The following VAC14 variants were observed in gnomAD, a reference collection of about 807,000 sequenced individuals.
VAC14 encodes the protein protein VAC14 homolog.
In VAC14, 47 loss-of-function variants were observed where a neutral mutation model predicts 85.3. That is an observed-to-expected ratio of 0.55 (90% CI 0.44 to 0.70). The LOEUF is 0.70. Ranked by LOEUF, VAC14 falls within the 30% of genes least tolerant of loss-of-function variation. VAC14 has a pLI of 0.00. For synonymous variants in VAC14, 447 were observed against 430.5 expected, an observed-to-expected ratio of 1.04 and a Z score of -0.47; for missense variants, 861 against 1,004.3, an observed-to-expected ratio of 0.86 and a Z score of 1.93.
chr16:70,717,146 G>A (rs1027423923), intron 14 of VAC14, among the ~76,000 whole-genome samples: 12 of 152,274 alleles, frequency 7.9e-5, no homozygotes, highest in Non-Finnish European at 1.5e-4. Flanking sequence ...TCCTGTGTCT[G>A]AGGGTGGGCA....
intron 10 of VAC14, among the ~76,000 whole-genome samples, chr16:70,763,896 G>C (rs1312106144): frequency 1.3e-5 from 2 of 152,300 alleles, no homozygotes; most frequent in East Asian, 3.9e-4. Context: ...TTTTCAAGGT[G>C]GGGGCAGCAT....
At chr16:70,727,939 AG>A (rs1367575358) in intron 14 of VAC14, among the ~76,000 whole-genome samples, 3 of 152,204 alleles carry the variant, frequency 2.0e-5, no homozygotes, top group Middle Eastern at 3.2e-3. Context: ...GCTGTCCGCC[AG>A]GATGCACATT....
chr16:70,689,436 AG>A (rs1738091502), intron 18 of VAC14: 4 of 985,118 alleles, frequency 4.1e-6, no homozygotes, highest in Non-Finnish European at 4.8e-6. Flanking sequence ...TCAGTCCAGC[AG>A]GAAGAGTCAA....
rs754908659 is a variant in VAC14 at position 70,785,858 on chromosome 16, G to C, written c.267C>G (p.Leu89=). ...CTGGCTCGATCAGCTCCTTCAGGTA[G>C]AGCCCTGAGTCCTGCAAGGAGGCAG... is the stretch of plus-strand genomic sequence containing the variant. ...CSIALGKDSG[L]YLKELIEPVL... Residue 89 remains leucine (L), a synonymous_variant, in exon 3 of 19, where the codon CTC becomes CTG. Coordinates refer to ENST00000261776, the MANE Select transcript of VAC14 (RefSeq NM_018052.5). 6.2e-7 allele frequency: 1 copy of C among 1,605,194 alleles called. No homozygotes were observed. Among genetic ancestry groups the C allele is most frequent in the South Asian group, 1.1e-5 (1 of 89,596 alleles).
At chr16:70,714,864 AG>A (rs1182864473) in intron 14 of VAC14, 13 of 152,272 alleles carry the variant, frequency 8.5e-5, no homozygotes, top group Admixed American at 7.8e-4. Context: ...GAGAGTGTGT[AG>A]GGCCACAGCT....
intron 1 of VAC14, among the ~76,000 whole-genome samples, chr16:70,789,242 C>T (rs2034212724): frequency 1.3e-5 from 2 of 152,182 alleles, no homozygotes. Flanking sequence ...AAAAAGCCCC[C>T]CAAAGTTTTA....
At chr16:70,788,332 T>C (rs1271048645) in intron 1 of VAC14, among the ~76,000 whole-genome samples, 1 of 152,218 alleles carries the variant, frequency 6.6e-6, no homozygotes, top group Non-Finnish European at 1.5e-5. Flanking sequence ...CGCCAGGCAC[T>C]GTTCACGCAA....
intron 10 of VAC14, 103 bp downstream of exon 10, chr16:70,772,006 G>A (rs541935845): frequency 3.5e-5 from 36 of 1,043,068 alleles, no homozygotes; most frequent in African/African-American, 1.3e-4. Context: ...AGCAGCAGCC[G>A]CGAGTAGAAT....
chr16:70,744,648 C>A (rs958350206), intron 12 of VAC14, 69 bp from the exon 13 acceptor site: 1 of 1,492,060 alleles, frequency 6.7e-7, no homozygotes. Context: ...GGCAGAGGTG[C>A]GGTTGGTGGC....
chr16:70,784,323 C>G, intron 4 of VAC14, 103 bp from the exon 5 acceptor site: 1 of 882,428 alleles, frequency 1.1e-6, no homozygotes, highest in Non-Finnish European at 1.8e-6. Flanking sequence ...AGGCGGCCAC[C>G]AAGGAAAATG....
chr16:70,749,931 G>A (rs1412239121), intron 12 of VAC14, among the ~76,000 whole-genome samples: 1 of 152,358 alleles, frequency 6.6e-6, no homozygotes, highest in Middle Eastern at 3.4e-3. Context: ...CCTCAACAGG[G>A]GGCCTGGGTC....
Position 70,704,748 on chromosome 16 carries a change from G to A in VAC14, c.1662-5937C>T, listed in dbSNP as rs187114935. On this transcript the variant is annotated intron_variant, in intron 14 of 18. Coordinates refer to ENST00000261776, the MANE Select transcript of VAC14 (RefSeq NM_018052.5). ...GACAGCCGGAGCCCGCTCGGGAGGA[G>A]CTGGGGAATGGCTCCTTCGCCAGGT... 4.1e-4 allele frequency among the ~76,000 whole-genome samples: 63 copies of A among 152,340 alleles called. No individual in the cohort carries two copies. In the East Asian group the frequency reaches 8.1e-3, roughly 20 times the overall value.
At chr16:70,751,498 C>T (rs1484250060) in intron 12 of VAC14, among the ~76,000 whole-genome samples, 1 of 152,272 alleles carries the variant, frequency 6.6e-6, no homozygotes, top group Non-Finnish European at 1.5e-5. Context: ...GTGAAGTACA[C>T]AGGCCCCGAG....
At chr16:70,723,999 C>G (rs149559594) in intron 14 of VAC14, among the ~76,000 whole-genome samples, 1 of 152,082 alleles carries the variant, frequency 6.6e-6, no homozygotes, top group Non-Finnish European at 1.5e-5. Context: ...CACATGGCCA[C>G]CTCTTGCCAA....
At chr16:70,703,706 C>T (rs867264474) in intron 14 of VAC14, among the ~76,000 whole-genome samples, 156 of 152,286 alleles carry the variant, frequency 1.0e-3, no homozygotes, top group African/African-American at 1.5e-3. Context: ...GTGCTGGGGG[C>T]GGGACCAGCT....
At chr16:70,760,788 A>C (rs548932305) in intron 12 of VAC14, among the ~76,000 whole-genome samples, 1 of 152,172 alleles carries the variant, frequency 6.6e-6, no homozygotes, top group East Asian at 1.9e-4. Context: ...AGGACTGAAA[A>C]CTCAGCTGCT....
intron 1 of VAC14, among the ~76,000 whole-genome samples, chr16:70,798,316 T>C (rs2034632882): frequency 6.6e-6 from 1 of 152,216 alleles, no homozygotes; most frequent in Non-Finnish European, 1.5e-5. Context: ...CATAGATAAC[T>C]GCCAATATTC....
rs1164437574 is a variant in VAC14 at position 70,784,181 on chromosome 16, A to G, written c.526T>C (p.Phe176Leu). ...ATCCTCTCTCGCAACAAGGGGATGA[A>G]GCTCACCAGGTCAAACTTGTTGCTC... ...TESNKFDLVS[F>L]IPLLRERIYS... The change falls in exon 5 of 19, where the codon TTC (phenylalanine) becomes CTC (leucine). Residue 176 changes from phenylalanine (F) to leucine (L), a missense_variant. Phe to Leu is a conservative substitution (Grantham distance 22, BLOSUM62 0). Transcript: ENST00000261776. 1 of 1,614,176 alleles carries G rather than the reference A, an allele frequency of 6.2e-7. No individual in the cohort carries two copies. The highest frequency in any genetic ancestry group is 1.7e-5 in the Admixed American group (1 of 60,028).
intron 12 of VAC14, among the ~76,000 whole-genome samples, chr16:70,761,736 G>A (rs2032402079): frequency 6.6e-6 from 1 of 152,162 alleles, no homozygotes; most frequent in African/African-American, 2.4e-5. Context: ...CTCTCCCTCT[G>A]CACCAGCAGC....
Sources: allele counts gnomAD v4.1 joint callset (sites outside exome capture counted in the v4.1 genomes callset), GRCh38; gene constraint gnomAD v4.1.1; transcripts MANE v1.5; gene names NCBI Gene and HGNC (gene_info 2026-07-23, HGNC 2026-07-21).